The following RBPJ variants were observed in gnomAD, a reference collection of about 807,000 sequenced individuals.
The protein encoded by RBPJ is recombining binding protein suppressor of hairless.
RBPJ carries 9 observed loss-of-function variants against 67.8 expected under a neutral mutation model. The ratio of observed to expected loss-of-function variants is 0.13; its 90% CI spans 0.08 to 0.23. The LOEUF (loss-of-function observed/expected upper bound fraction) is 0.23. Among genes scored for constraint, RBPJ ranks in the 10% least tolerant of loss-of-function variants. The pLI, the probability that RBPJ is intolerant of heterozygous loss-of-function variation, is 1.00. For missense variants in RBPJ, 305 were observed against 595.6 expected (o/e 0.51, Z 5.08); for synonymous variants, 198 against 203.3 (o/e 0.97, Z 0.22).
intron 1 of RBPJ, among the ~76,000 whole-genome samples, chr4:26,252,808 G>A (rs1720157716): frequency 6.6e-6 from 1 of 152,106 alleles, no homozygotes; most frequent in African/African-American, 2.4e-5. Flanking sequence ...TTGGATTCGA[G>A]TTGAATGCAT....
chr4:26,405,549 A>G (rs941099942), intron 2 of RBPJ, among the ~76,000 whole-genome samples: 16 of 152,084 alleles, frequency 1.1e-4, no homozygotes, highest in African/African-American at 2.9e-4. Context: ...TTAACATTGT[A>G]TTTTTTTCAA....
intron 1 of RBPJ, among the ~76,000 whole-genome samples, chr4:26,190,966 C>T (rs4495024): frequency 0.11 from 16,389 of 150,236 alleles, 1,003 homozygotes; most frequent in Non-Finnish European, 0.13. Flanking sequence ...GGCAACATAC[C>T]GAGACCTCGT....
chr4:26,248,024 T>G (rs1447339660), intron 1 of RBPJ, among the ~76,000 whole-genome samples: 1 of 152,162 alleles, frequency 6.6e-6, no homozygotes, highest in Non-Finnish European at 1.5e-5. Flanking sequence ...CGAGGCATGG[T>G]GGCTAACTCC....
chr4:26,270,355 GAGAAAGAAAGAAAGAAAGAAAGAAAGAA>G lies in RBPJ; in HGVS notation c.-166-92034_-166-92007del, dbSNP rs1179109682. 4.1e-3 allele frequency among the ~76,000 whole-genome samples: 212 copies of G among 52,088 alleles called. 3 individuals carry two copies. Among genetic ancestry groups the G allele is most frequent in the African/African-American group, 0.013 (136 of 10,774 alleles). The allele number at this position is 52,088 out of a possible 152,430, so 34.2% of individuals were successfully genotyped here. A position where few individuals can be genotyped will look rare whatever the true frequency, so the allele number is the denominator to read the frequency against. On this transcript the variant is annotated intron_variant, in intron 1 of 4. Coordinates refer to the RBPJ transcript ENST00000512351. ...GGGAGGGGAGGGAGGGAGAGAGCAA[GAGAAAGAAAGAAAGAAAGAAAGAAAGAA>G]AGAAAGAAAGAAAGAAAGAAAGAAA...
At chr4:26,140,851 A>AAAT in the RBPJ span, among the ~76,000 whole-genome samples, 2 of 151,014 alleles carry the variant, frequency 1.3e-5, no homozygotes, top group African/African-American at 4.9e-5. Context: ...ATAAATAAAT[A>AAAT]AATAAATAAA....
intron 1 of RBPJ, among the ~76,000 whole-genome samples, chr4:26,268,100 G>T (rs941876755): frequency 6.6e-6 from 1 of 151,908 alleles, no homozygotes; most frequent in Non-Finnish European, 1.5e-5. Context: ...ACAATTAGTC[G>T]TGTAGGATCT....
the RBPJ span, among the ~76,000 whole-genome samples, chr4:26,141,366 C>A: frequency 2.0e-5 from 3 of 152,326 alleles, no homozygotes; most frequent in Admixed American, 6.5e-5. Context: ...CTTCCTACCC[C>A]ACTCCTGCGG....
intron 1 of RBPJ, among the ~76,000 whole-genome samples, chr4:26,362,802 C>T (rs994058202): frequency 4.6e-5 from 7 of 152,120 alleles, no homozygotes; most frequent in Non-Finnish European, 8.8e-5. Flanking sequence ...TTTTTTGTTA[C>T]AAAAACCCAT....
At chr4:26,245,165 A>T (rs999901959) in intron 1 of RBPJ, among the ~76,000 whole-genome samples, 2 of 144,736 alleles carry the variant, frequency 1.4e-5, no homozygotes, top group African/African-American at 2.6e-5. Flanking sequence ...GTCATTCCTC[A>T]TTCTTTCTTC....
chr4:26,394,797 C>T (rs1235685103), intron 2 of RBPJ, among the ~76,000 whole-genome samples: 3 of 152,128 alleles, frequency 2.0e-5, no homozygotes, highest in South Asian at 2.1e-4. Context: ...TTCTAAAGAA[C>T]GTAATCTTAA....
intron 3 of RBPJ, among the ~76,000 whole-genome samples, chr4:26,414,369 A>T (rs1187553181): frequency 1.3e-5 from 2 of 152,058 alleles, no homozygotes; most frequent in Non-Finnish European, 2.9e-5. Flanking sequence ...AGGTTTAGCC[A>T]TGTTGCCCAG....
the RBPJ span, among the ~76,000 whole-genome samples, chr4:26,151,037 G>C: frequency 6.6e-6 from 1 of 152,154 alleles, no homozygotes; most frequent in Non-Finnish European, 1.5e-5. Context: ...GTAATGAAAG[G>C]CTCTAAAAAT....
intron 1 of RBPJ, among the ~76,000 whole-genome samples, chr4:26,190,527 C>T (rs1478756505): frequency 6.6e-6 from 1 of 152,134 alleles, no homozygotes; most frequent in Non-Finnish European, 1.5e-5. Flanking sequence ...TCCCTTTATA[C>T]AGTGAGAGAA....
chr4:26,169,143 T>C (rs1165498427), intron 1 of RBPJ, among the ~76,000 whole-genome samples: 4 of 152,142 alleles, frequency 2.6e-5, no homozygotes, highest in Non-Finnish European at 5.9e-5. Context: ...GAAGGAGAGG[T>C]GCTCTGCTTT....
At chr4:26,175,591 T>G (rs559494517) in intron 1 of RBPJ, among the ~76,000 whole-genome samples, 58 of 152,336 alleles carry the variant, frequency 3.8e-4, no homozygotes, top group African/African-American at 1.4e-3. Context: ...CACAGTGGCC[T>G]CTGAAGTCAA....
At chr4:26,345,417 A>G (rs1185422577) in intron 1 of RBPJ, among the ~76,000 whole-genome samples, 2 of 152,236 alleles carry the variant, frequency 1.3e-5, no homozygotes, top group African/African-American at 4.8e-5. Flanking sequence ...TCCAGCAAAC[A>G]GATGGCTTTC....
At chr4:26,378,548 T>G (rs1234585386) in intron 1 of RBPJ, among the ~76,000 whole-genome samples, 1 of 152,140 alleles carries the variant, frequency 6.6e-6, no homozygotes. Context: ...GAAACAATAT[T>G]GGAGGTACCT....
chr4:26,416,867 A>G (rs1434081210), intron 4 of RBPJ, among the ~76,000 whole-genome samples: 1 of 152,186 alleles, frequency 6.6e-6, no homozygotes, highest in African/African-American at 2.4e-5. Context: ...AGCTGTTTGT[A>G]TGTCATTTAT....
chr4:26,316,563 A>ATTCATG (rs1440242296), upstream of RBPJ, among the ~76,000 whole-genome samples: 83 of 98,386 alleles, frequency 8.4e-4, no homozygotes, highest in African/African-American at 3.3e-3. Context: ...ATTCATATAT[A>ATTCATG]TACACATTCA....
Sources: allele counts gnomAD v4.1 joint callset (sites outside exome capture counted in the v4.1 genomes callset), GRCh38; gene constraint gnomAD v4.1.1; transcripts MANE v1.5; gene names NCBI Gene and HGNC (gene_info 2026-07-23, HGNC 2026-07-21).